TLX3: variants seen among roughly 807,000 people sequenced by gnomAD.
TLX3 encodes T-cell leukemia homeobox protein 3.
In TLX3, 11 loss-of-function variants were observed where a neutral mutation model predicts 19.6. The observed-to-expected ratio is 0.56, with a 90% CI of 0.35 to 0.93. The LOEUF (loss-of-function observed/expected upper bound fraction) is 0.93, where lower values mean the gene tolerates loss of function less well. Among genes scored for constraint, TLX3 ranks in the 40% least tolerant of loss-of-function variants. The pLI is 0.01. For missense variants in TLX3, 375 were observed against 418.6 expected, an observed-to-expected ratio of 0.90 and a Z score of 0.91; for synonymous variants, 221 against 188.1, an observed-to-expected ratio of 1.17 and a Z score of -1.43.
rs1434061565 is a variant in TLX3 at position 171,310,145 on chromosome 5, C to T, written c.422-5C>T. ...GGCTTCAGGGGCCCTCCTGTGTCTC[C>T]GCAGCGGCGGCCGCACTCACGCCCT... On this transcript the variant is annotated splice_region_variant and splice_polypyrimidine_tract_variant and intron_variant, in intron 1 of 2. Transcript: ENST00000296921. 2 of 1,549,222 alleles carry T rather than the reference C, an allele frequency of 1.3e-6. No individual in the cohort carries two copies. The highest frequency in any genetic ancestry group is 1.7e-6 in the Non-Finnish European group (2 of 1,146,530).
In TLX3 at chr5:171,309,420, G is replaced by C; in HGVS notation, c.55G>C (p.Gly19Arg). The change falls in exon 1 of 3, where the codon GGC becomes CGC. Residue 19 changes from glycine (G) to arginine (R), a missense_variant. Around this residue, in one of 3 missense-constraint regions of TLX3, gnomAD observed 239 missense variants for 217.0 expected, o/e 1.10. Coordinates refer to ENST00000296921, the MANE Select transcript of TLX3 (RefSeq NM_021025.4). ...TPHPHEPISF[G>R]IDQILNSPDQ... ...GCACCCGCACGAGCCCATCAGCTTC[G>C]GCATCGACCAGATCCTTAACAGCCC... The C allele has an allele frequency of 1.9e-6, 3 of 1,605,640 alleles. No individual in the cohort carries two copies. The highest frequency in any genetic ancestry group is 1.7e-6 in the Non-Finnish European group (2 of 1,177,048).
chr5:171,310,080 G>C, intron 1 of TLX3, 70 bp from the exon 2 acceptor site: 1 of 1,484,182 alleles, frequency 6.7e-7, no homozygotes, highest in Non-Finnish European at 9.0e-7. Flanking sequence ...GGGGCGCCAC[G>C]GGGTCCGCAT....
rs549898522 is a variant in TLX3, at chr5:171,309,576, G to A, written c.211G>A (p.Glu71Lys). The change falls in exon 1 of 3, where the codon GAG (glutamate) becomes AAG (lysine). Residue 71 changes from glutamate (E) to lysine (K), a missense_variant. By Grantham distance (56) the Glu-to-Lys change is moderately conservative (BLOSUM62 1). This residue lies in a region of TLX3 where 239 missense variants were observed against 217.0 expected (regional missense o/e 1.10). Transcript: ENST00000296921. ...ASFAGLGAPF[E>K]DAGSYSVNLS... ...CTTTGCGGGCCTCGGCGCGCCCTTC[G>A]AGGACGCGGGATCTTACAGTGTGAA... is the stretch of plus-strand genomic sequence containing the variant. 6.5e-5 allele frequency: 103 copies of A among 1,595,466 alleles called. No homozygotes were observed. The highest frequency in any genetic ancestry group is 8.3e-5 in the Non-Finnish European group (97 of 1,172,248).
Position 171,309,429 on chromosome 5 carries a change from C to T in TLX3, c.64C>T (p.Gln22Ter). 1 of 1,607,366 alleles carries T rather than the reference C, an allele frequency of 6.2e-7. No homozygotes were observed. The highest frequency in any genetic ancestry group is 8.5e-7 in the Non-Finnish European group (1 of 1,177,398). Residue 22 changes from glutamine to a stop codon, truncating the protein, a stop_gained, in exon 1 of 3, where the codon CAG (glutamine) becomes TAG (stop). Transcript: ENST00000296921. LOFTEE classifies it high-confidence loss of function. ...PHEPISFGID[Q>*]ILNSPDQDSA... ...CGAGCCCATCAGCTTCGGCATCGAC[C>T]AGATCCTTAACAGCCCGGACCAGGA... is the stretch of plus-strand genomic sequence containing the variant.
chr5:171,311,565 G>A lies in TLX3; in HGVS notation c.842G>A (p.Ser281Asn). Residue 281 changes from serine to asparagine, a missense_variant, in exon 3 of 3, where the codon AGT becomes AAT. By Grantham distance (46) the Ser-to-Asn change is conservative. Transcript: ENST00000296921. This position sits in a 1 kb window ranked among gnomAD's most constrained non-coding sequence, Gnocchi z 5.1. ...LQNLQPWEEDSSKVPAVTSLV is the reference protein window; with the variant it reads ...LQNLQPWEEDNSKVPAVTSLV ...AATCTGCAGCCCTGGGAGGAGGATA[G>A]TTCCAAGGTTCCCGCTGTCACCTCC... 1 of 1,612,338 alleles carries A rather than the reference G, an allele frequency of 6.2e-7. No homozygotes were observed. Among genetic ancestry groups the A allele is most frequent in the Non-Finnish European group, 8.5e-7 (1 of 1,179,386 alleles).
chr5:171,309,581 C>T lies in TLX3; in HGVS notation c.216C>T (p.Asp72=), dbSNP rs778815059. 30 of 1,599,080 alleles carry T rather than the reference C, an allele frequency of 1.9e-5. No homozygotes were observed. The Admixed American group carries it at 2.1e-4, about 11-fold the overall frequency. ...CGGGCCTCGGCGCGCCCTTCGAGGA[C>T]GCGGGATCTTACAGTGTGAACCTGA... ...SFAGLGAPFE[D]AGSYSVNLSL... The change falls in exon 1 of 3, where the codon GAC becomes GAT. Residue 72 remains aspartate (D), a synonymous_variant. Transcript: ENST00000296921.
rs1247873350 is a variant in TLX3, at chr5:171,309,340, C to A, written c.-26C>A. 5 of 1,373,324 alleles carry A rather than the reference C, an allele frequency of 3.6e-6. No homozygotes were observed. The highest frequency in any genetic ancestry group is 5.0e-6 in the Non-Finnish European group (5 of 1,004,486). 85.1% of individuals were successfully genotyped at this position (1,373,324 alleles called of 1,614,324 possible). A position where few individuals can be genotyped will look rare whatever the true frequency, so the allele number is the denominator to read the frequency against. On this transcript the variant is annotated 5_prime_UTR_variant, in exon 1 of 3. Coordinates refer to ENST00000296921, the MANE Select transcript of TLX3 (RefSeq NM_021025.4). ...GACCCAGCCGCCTCCCCGCCCAGCCCAGCCCAGCCCTTCCGCCCGCCCAGG... is the reference window on the plus strand; with the variant it reads ...GACCCAGCCGCCTCCCCGCCCAGCCAAGCCCAGCCCTTCCGCCCGCCCAGG...
rs529669837 is a variant in TLX3 at position 171,310,086 on chromosome 5, C to A, written c.422-64C>A. 2.7e-5 allele frequency: 41 copies of A among 1,490,966 alleles called. No homozygotes were observed. The South Asian group carries it at 4.4e-4, about 16-fold the overall frequency. The allele number at this position is 1,490,966 out of a possible 1,614,324, so 92.4% of individuals were successfully genotyped here. A position where few individuals can be genotyped will look rare whatever the true frequency, so the allele number is the denominator to read the frequency against. On this transcript the variant is annotated intron_variant, in intron 1 of 2. Transcript: ENST00000296921. ...GTGTCCCACGGGGCGCCACGGGGTC[C>A]GCATGGGGCCTGAACGGTGGCGGAG...
In TLX3 at chr5:171,311,348, G is replaced by T. The variant is rs1481558475; in HGVS notation, c.666-41G>T. ...GCCCCGCCGGCGGCCCCGCGGTGCC[G>T]GGTGCATGACGGTACTGTCCCTCTC... On this transcript the variant is annotated intron_variant, in intron 2 of 2. Transcript: ENST00000296921. The surrounding 1 kb of genome is among the most constrained non-coding windows in gnomAD (Gnocchi z 5.1). 2 of 1,523,108 alleles carry T rather than the reference G, an allele frequency of 1.3e-6. No homozygotes were observed. The highest frequency in any genetic ancestry group is 1.2e-5 in the South Asian group (1 of 81,448). The allele number at this position is 1,523,108 out of a possible 1,614,324, so 94.3% of individuals were successfully genotyped here. A position where few individuals can be genotyped will look rare whatever the true frequency, so the allele number is the denominator to read the frequency against.
chr5:171,310,863 C>G (rs1057458675), intron 2 of TLX3, among the ~76,000 whole-genome samples: 2 of 152,026 alleles, frequency 1.3e-5, no homozygotes, highest in Admixed American at 1.3e-4. Flanking sequence ...CCCATCTCCG[C>G]GTCTCCATTC....
chr5:171,311,849 G>A lies in TLX3; in HGVS notation c.*250G>A. The A allele has an allele frequency of 3.0e-6, 1 of 330,694 alleles. No homozygotes were observed. Among genetic ancestry groups the A allele is most frequent in the Non-Finnish European group, 5.5e-6 (1 of 183,434 alleles). The allele number at this position is 330,694 out of a possible 1,614,324, so 20.5% of individuals were successfully genotyped here. On this transcript the variant is annotated 3_prime_UTR_variant, in exon 3 of 3. Transcript: ENST00000296921. The surrounding 1 kb of genome is among the most constrained non-coding windows in gnomAD (Gnocchi z 5.1). Reference sequence around the variant, plus strand: ...CCAGGCCCGGGCCTGACAAGAAAGCGCCTTACGTTTCTCCGCCCCCCGCCC... The same window carrying A: ...CCAGGCCCGGGCCTGACAAGAAAGCACCTTACGTTTCTCCGCCCCCCGCCC...
intron 1 of TLX3, 68 bp from the exon 2 acceptor site, chr5:171,310,082 G>C: frequency 6.7e-7 from 1 of 1,486,688 alleles, no homozygotes; most frequent in Non-Finnish European, 8.9e-7. Context: ...GGCGCCACGG[G>C]GTCCGCATGG....
intron 2 of TLX3, 21 bp downstream of exon 2, chr5:171,310,414 C>T: frequency 6.2e-7 from 1 of 1,610,004 alleles, no homozygotes; most frequent in Non-Finnish European, 8.5e-7. Flanking sequence ...CCTGACCCGG[C>T]CCACCTTACA....
In TLX3 at chr5:171,309,490, G is replaced by C; in HGVS notation, c.125G>C (p.Ser42Thr). Residue 42 changes from serine to threonine, a missense_variant, in exon 1 of 3, where the codon AGC becomes ACC. Physicochemically the swap from Ser to Thr is moderately conservative, Grantham distance 58 (BLOSUM62 1). Coordinates refer to ENST00000296921, the MANE Select transcript of TLX3 (RefSeq NM_021025.4). The stretch of plus-strand genomic sequence containing the variant: ...GCCCCGCGGGGCCCCGACGGCGCCA[G>C]CTACCTGGGAGGGCCCCCCGGGGGC... ...APAPRGPDGASYLGGPPGGRP... is the reference protein window; with the variant it reads ...APAPRGPDGATYLGGPPGGRP... 2 of 1,585,680 alleles carry C rather than the reference G, an allele frequency of 1.3e-6. No homozygotes were observed. The highest frequency in any genetic ancestry group is 1.7e-6 in the Non-Finnish European group (2 of 1,167,908).
rs750785027 is a variant in TLX3 at position 171,309,485 on chromosome 5, C to A, written c.120C>A (p.Gly40=). 1.3e-6 allele frequency: 2 copies of A among 1,587,302 alleles called. No homozygotes were observed. Among genetic ancestry groups the A allele is most frequent in the Admixed American group, 1.8e-5 (1 of 56,360 alleles). The change falls in exon 1 of 3, where the codon GGC becomes GGA. Residue 40 remains glycine, a synonymous_variant. Transcript: ENST00000296921. ...CACCCGCCCCGCGGGGCCCCGACGG[C>A]GCCAGCTACCTGGGAGGGCCCCCCG... ...DSAPAPRGPD[G]ASYLGGPPGG...
Position 171,310,785 on chromosome 5 carries a change from TCTC to T in TLX3, c.665+398_665+400del, listed in dbSNP as rs1181026953. On this transcript the variant is annotated intron_variant, in intron 2 of 2. Coordinates refer to ENST00000296921, the MANE Select transcript of TLX3 (RefSeq NM_021025.4). Reference sequence around the variant, plus strand: ...ACACACGGGCCTCTCGCACTCTCCTTCTCCTCCTTCTTCCAGCCCGCCCTCTCG... The same window carrying T: ...ACACACGGGCCTCTCGCACTCTCCTTCTCCTTCTTCCAGCCCGCCCTCTCG... Among the ~76,000 whole-genome samples, 6 of 134,812 alleles carry T rather than the reference TCTC, an allele frequency of 4.5e-5. No homozygotes were observed. In the South Asian group the frequency reaches 1.1e-3, roughly 24 times the overall value. 88.4% of individuals were successfully genotyped at this position (134,812 alleles called of 152,430 possible). A position where few individuals can be genotyped will look rare whatever the true frequency, so the allele number is the denominator to read the frequency against.
rs1227891923 is a variant in TLX3 at position 171,311,166 on chromosome 5, G to A, written c.666-223G>A. On this transcript the variant is annotated intron_variant, in intron 2 of 2. Coordinates refer to ENST00000296921, the MANE Select transcript of TLX3 (RefSeq NM_021025.4). The surrounding 1 kb of genome is among the most constrained non-coding windows in gnomAD (Gnocchi z 5.1). ...CGGGCGTGCAGGTGGGCGGCGGGCAGAGTCCCCTCCTGGAGACCCTCTGGC... is the reference window on the plus strand; with the variant it reads ...CGGGCGTGCAGGTGGGCGGCGGGCAAAGTCCCCTCCTGGAGACCCTCTGGC... Among the ~76,000 whole-genome samples, 1 of 152,202 alleles carries A rather than the reference G, an allele frequency of 6.6e-6. No individual in the cohort carries two copies. Among genetic ancestry groups the A allele is most frequent in the Non-Finnish European group, 1.5e-5 (1 of 68,030 alleles).
Position 171,311,752 on chromosome 5 carries a change from C to T in TLX3, c.*153C>T. 3.8e-6 allele frequency: 2 copies of T among 529,098 alleles called. No individual in the cohort carries two copies. The highest frequency in any genetic ancestry group is 4.4e-5 in the Admixed American group (1 of 22,928). 32.8% of individuals were successfully genotyped at this position (529,098 alleles called of 1,614,324 possible). A position where few individuals can be genotyped will look rare whatever the true frequency, so the allele number is the denominator to read the frequency against. On this transcript the variant is annotated 3_prime_UTR_variant, in exon 3 of 3. Transcript: ENST00000296921. This position sits in a 1 kb window ranked among gnomAD's most constrained non-coding sequence, Gnocchi z 5.1. ...AGGGCGCGGCCACAGACTGGCGGGC[C>T]GCGGAAGGGGGTAGGGCCCGAGCTC...
rs1345479972 is a variant in TLX3, at chr5:171,309,306, C to G, written c.-60C>G. The G allele has an allele frequency of 6.4e-6, 9 of 1,396,962 alleles. No homozygotes were observed. Among genetic ancestry groups the G allele is most frequent in the Non-Finnish European group, 8.5e-6 (9 of 1,062,276 alleles). The allele number at this position is 1,396,962 out of a possible 1,614,324, so 86.5% of individuals were successfully genotyped here. ...GGCGCCGGGCGCTCCATGGCCGCGCCGTAACGGGGACCCAGCCGCCTCCCC... is the reference window on the plus strand; with the variant it reads ...GGCGCCGGGCGCTCCATGGCCGCGCGGTAACGGGGACCCAGCCGCCTCCCC... On this transcript the variant is annotated 5_prime_UTR_variant, in exon 1 of 3. Coordinates refer to ENST00000296921, the MANE Select transcript of TLX3 (RefSeq NM_021025.4).
Sources: gnomAD v4.1 joint callset for allele counts (sites outside exome capture counted in the v4.1 genomes callset) on GRCh38, gnomAD v4.1.1 for gene constraint, gnomAD v4.1.1 regional missense constraint, Gnocchi (gnomAD v3.1) non-coding constraint, MANE v1.5 for transcripts, NCBI Gene and HGNC (gene_info 2026-07-23, HGNC 2026-07-21) for gene names.